MINK1: variants seen among roughly 807,000 people sequenced by gnomAD.
The protein encoded by MINK1 is misshapen-like kinase 1.
In MINK1, 46 loss-of-function variants were observed where a neutral mutation model predicts 178.4. The observed-to-expected ratio is 0.26, with a 90% CI of 0.20 to 0.33. The LOEUF (loss-of-function observed/expected upper bound fraction) is 0.33, where lower values mean the gene tolerates loss of function less well. Ranked by LOEUF, MINK1 falls within the 10% of genes least tolerant of loss-of-function variation. The probability of loss-of-function intolerance (pLI) is 1.00; values close to 1 mark genes in which losing one functional copy is unlikely to be tolerated. For missense variants in MINK1, 1,366 were observed against 1,814.9 expected (o/e 0.75, Z 4.49); for synonymous variants, 797 against 709.7 (o/e 1.12, Z -1.96).
At chr17:4,842,151 G>A (rs1012134491) in intron 1 of MINK1, among the ~76,000 whole-genome samples, 5 of 150,998 alleles carry the variant, frequency 3.3e-5, no homozygotes, top group African/African-American at 1.2e-4. Context: ...ATGAACCCGG[G>A]AGGCGGAGCT....
intron 2 of MINK1, among the ~76,000 whole-genome samples, chr17:4,878,719 G>A (rs1030046617): frequency 6.6e-6 from 1 of 152,226 alleles, no homozygotes; most frequent in Non-Finnish European, 1.5e-5. Context: ...GGCCAGAGAT[G>A]TGGGTTTGGC....
chr17:4,893,145 G>A, intron 20 of MINK1, 78 bp downstream of exon 20: 1 of 1,511,238 alleles, frequency 6.6e-7, no homozygotes, highest in Non-Finnish European at 9.0e-7. Context: ...TGTCAGGGGT[G>A]GGGTCTCCGC....
intron 1 of MINK1, among the ~76,000 whole-genome samples, chr17:4,862,406 G>A (rs923631104): frequency 2.0e-5 from 3 of 152,142 alleles, no homozygotes; most frequent in Non-Finnish European, 2.9e-5. Context: ...TGTAATCCCA[G>A]CACTTTGGGA....
chr17:4,866,449 G>A (rs1417994862), intron 1 of MINK1, among the ~76,000 whole-genome samples: 1 of 151,404 alleles, frequency 6.6e-6, no homozygotes, highest in African/African-American at 2.4e-5. Context: ...CCTGGTGACA[G>A]AGTGAGACTC....
chr17:4,858,477 T>A (rs1913556580), intron 1 of MINK1, among the ~76,000 whole-genome samples: 1 of 147,608 alleles, frequency 6.8e-6, no homozygotes, highest in African/African-American at 2.6e-5. Context: ...AATTTAAATT[T>A]AATTTTTTTT....
chr17:4,859,400 C>A, intron 1 of MINK1: 1 of 758,752 alleles, frequency 1.3e-6, no homozygotes, highest in African/African-American at 1.9e-5. Flanking sequence ...TATATTTTAG[C>A]ATATGTAACT....
intron 12 of MINK1, among the ~76,000 whole-genome samples, chr17:4,888,237 C>T (rs574366047): frequency 7.6e-4 from 115 of 151,746 alleles, no homozygotes; most frequent in South Asian, 5.0e-3. Context: ...AGCAATAACC[C>T]GCAGCACCCA....
intron 13 of MINK1, 40 bp downstream of exon 13, chr17:4,889,803 C>G (rs144372454): frequency 7.0e-7 from 1 of 1,430,554 alleles, no homozygotes; most frequent in Non-Finnish European, 9.3e-7. Context: ...CCCGCCCTCC[C>G]GCTCCTGCTG....
chr17:4,854,920 G>A (rs1435268664), intron 1 of MINK1: 1 of 408,954 alleles, frequency 2.4e-6, no homozygotes, highest in Non-Finnish European at 4.9e-6. Context: ...ATTAAAAAGA[G>A]TCCAGGCTGG....
intron 12 of MINK1, among the ~76,000 whole-genome samples, chr17:4,888,177 C>T (rs1968395183): frequency 6.6e-6 from 1 of 152,068 alleles, no homozygotes; most frequent in Non-Finnish European, 1.5e-5. Context: ...GATCACACCA[C>T]TGCACTCCAG....
At chr17:4,839,607 C>T (rs1051621983) in intron 1 of MINK1, among the ~76,000 whole-genome samples, 1 of 152,212 alleles carries the variant, frequency 6.6e-6, no homozygotes, top group Non-Finnish European at 1.5e-5. Flanking sequence ...TGCCATTCTC[C>T]TCCGAACCAA....
intron 2 of MINK1, 59 bp from the exon 3 acceptor site, chr17:4,880,925 G>C: frequency 1.4e-6 from 2 of 1,427,228 alleles, no homozygotes; most frequent in South Asian, 3.0e-5. Context: ...GTCTCCTAGA[G>C]TCAAGCCCTC....
chr17:4,897,007 AG>A, intron 31 of MINK1, 194 bp downstream of exon 31: 1 of 945,900 alleles, frequency 1.1e-6, no homozygotes, highest in Non-Finnish European at 1.6e-6. Flanking sequence ...GCTGGCCCCC[AG>A]GGGGCGAGTG....
chr17:4,892,860 A>G, intron 19 of MINK1, 92 bp downstream of exon 19: 1 of 1,388,588 alleles, frequency 7.2e-7, no homozygotes, highest in South Asian at 1.3e-5. Flanking sequence ...GGGCACCCAC[A>G]CGGACAGGGA....
At chr17:4,868,674 T>G (rs1455878834) in intron 1 of MINK1, among the ~76,000 whole-genome samples, 1 of 152,226 alleles carries the variant, frequency 6.6e-6, no homozygotes, top group Non-Finnish European at 1.5e-5. Flanking sequence ...TAACGCTATA[T>G]CTTGGCTATG....
chr17:4,891,200 G>GCGCACACACACACACACA (rs781594150), intron 15 of MINK1, 76 bp downstream of exon 15: 6 of 1,004,126 alleles, frequency 6.0e-6, no homozygotes, highest in African/African-American at 3.5e-5. Flanking sequence ...ACACACGCGC[G>GCGCACACACACACACACA]CACACACACA....
chr17:4,873,644 C>T (rs942048201), intron 1 of MINK1, among the ~76,000 whole-genome samples: 5 of 116,570 alleles, frequency 4.3e-5, no homozygotes, highest in Middle Eastern at 0.015. Flanking sequence ...TTTGAGAAGG[C>T]GTCTCACTCT....
intron 16 of MINK1, 84 bp from the exon 17 acceptor site, chr17:4,892,065 G>C: frequency 1.0e-5 from 11 of 1,105,460 alleles, no homozygotes; most frequent in Non-Finnish European, 1.2e-5. Context: ...AAGTGGGGGA[G>C]CTCACCTCTC....
intron 1 of MINK1, among the ~76,000 whole-genome samples, chr17:4,851,861 G>A (rs1488956695): frequency 6.6e-6 from 1 of 152,056 alleles, no homozygotes; most frequent in South Asian, 2.1e-4. Flanking sequence ...TTAGCCGGGT[G>A]TGGTGGCTTG....
Sources: gnomAD v4.1 joint callset for allele counts (sites outside exome capture counted in the v4.1 genomes callset) on GRCh38, gnomAD v4.1.1 for gene constraint, MANE v1.5 for transcripts, NCBI Gene and HGNC (gene_info 2026-07-23, HGNC 2026-07-21) for gene names.